Variants in CFAP99 observed in about 807,000 individuals in gnomAD.
CFAP99 encodes the protein cilia- and flagella-associated protein 99.
In CFAP99, 84 loss-of-function variants were observed where a neutral mutation model predicts 82.7. That is an observed-to-expected ratio of 1.02 (90% CI 0.85 to 1.22). The LOEUF (loss-of-function observed/expected upper bound fraction) is 1.22, where lower values mean the gene tolerates loss of function less well. Among genes scored for constraint, CFAP99 ranks in the 50% most tolerant of loss-of-function variants. The pLI is 0.00. For synonymous variants in CFAP99, 456 were observed against 429.5 expected, an observed-to-expected ratio of 1.06 and a Z score of -0.76; for missense variants, 1,059 against 983.5, an observed-to-expected ratio of 1.08 and a Z score of -1.03.
chr4:2,449,701 A>C, exon 7 of CFAP99: 1 of 1,536,098 alleles, frequency 6.5e-7, no homozygotes, highest in Non-Finnish European at 8.7e-7. Flanking sequence ...CCACCCAAGG[A>C]GCAGCAGCAG....
chr4:2,462,524 C>T lies in CFAP99; in HGVS notation c.1743C>T (p.Ile581=), dbSNP rs1306072234. 2.0e-6 allele frequency: 3 copies of T among 1,475,390 alleles called. No individual in the cohort carries two copies. The highest frequency in any genetic ancestry group is 2.9e-5 in the African/African-American group (2 of 68,028). 91.4% of individuals were successfully genotyped at this position (1,475,390 alleles called of 1,614,324 possible). The change falls in exon 15 of 15, where the codon ATC becomes ATT. Residue 581 remains isoleucine, a synonymous_variant. Transcript: ENST00000635017. The surrounding 1 kb of genome is among the most constrained non-coding windows in gnomAD (Gnocchi z 4.1). ...GCGTGCAGCAGCTGCGGCGCAGGAT[C>T]TCGGAGAGGGCGGCCGAGCGCAGCA...
intron 11 of CFAP99, among the ~76,000 whole-genome samples, chr4:2,452,731 A>T (rs1734334519): frequency 6.6e-6 from 1 of 152,162 alleles, no homozygotes; most frequent in African/African-American, 2.4e-5. Flanking sequence ...TTCAATTTTA[A>T]GGTTTGCCTT....
intron 2 of CFAP99, among the ~76,000 whole-genome samples, chr4:2,430,563 T>C (rs1733779365): frequency 6.6e-6 from 1 of 151,086 alleles, no homozygotes; most frequent in Non-Finnish European, 1.5e-5. Flanking sequence ...AATTACGCAA[T>C]ACGTAAACCA....
intron 2 of CFAP99, among the ~76,000 whole-genome samples, chr4:2,430,043 C>T: frequency 6.6e-6 from 1 of 151,976 alleles, no homozygotes; most frequent in African/African-American, 2.4e-5. Flanking sequence ...GTGCCACTTG[C>T]CAGAAAATTA....
At chr4:2,434,871 G>C (rs1333777330) in intron 2 of CFAP99, among the ~76,000 whole-genome samples, 1 of 152,206 alleles carries the variant, frequency 6.6e-6, no homozygotes, top group African/African-American at 2.4e-5. Context: ...GAAGGGCGTG[G>C]GAATGGCCCT....
intron 10 of CFAP99, among the ~76,000 whole-genome samples, 196 bp downstream of exon 10, chr4:2,451,548 G>A (rs3128841): frequency 0.73 from 110,151 of 151,894 alleles, 40,076 homozygotes; most frequent in Admixed American, 0.76. Flanking sequence ...AGATCATGCC[G>A]GCTCAGTGAG....
intron 13 of CFAP99, 122 bp from the exon 14 acceptor site, chr4:2,459,915 C>A: frequency 2.5e-6 from 2 of 811,854 alleles, no homozygotes; most frequent in Non-Finnish European, 2.0e-6. Flanking sequence ...GTTTCATAAG[C>A]AGTGTTGAAG....
In CFAP99 at chr4:2,458,845, GA is replaced by G. The variant is rs1560390598; in HGVS notation, c.1286del (p.Lys429ArgfsTer55). On this transcript the variant is annotated frameshift_variant, in exon 12 of 15. Transcript: ENST00000635017. LOFTEE classifies it high-confidence loss of function. Reference sequence around the variant, plus strand: ...CCAAGGCGGCCCAGACGAAGCTCGCGAAGGGCCGACAGCAGACAGGTAGTCA... The same window carrying G: ...CCAAGGCGGCCCAGACGAAGCTCGCGAGGGCCGACAGCAGACAGGTAGTCA... The G allele has an allele frequency of 6.5e-7, 1 of 1,535,484 alleles. No homozygotes were observed. The highest frequency in any genetic ancestry group is 8.7e-7 in the Non-Finnish European group (1 of 1,146,678).
chr4:2,460,187 A>C, exon 14 of CFAP99: 2 of 1,536,126 alleles, frequency 1.3e-6, no homozygotes, highest in African/African-American at 2.7e-5. Context: ...ACTGCAGAAC[A>C]TGGTGGAGCA....
At chr4:2,454,595 T>TTTTTTTTTTTTTTTTTTTTTGG (rs1734384944) in intron 11 of CFAP99, among the ~76,000 whole-genome samples, 2 of 107,924 alleles carry the variant, frequency 1.9e-5, no homozygotes, top group African/African-American at 4.4e-5. Flanking sequence ...TTTTTTTTTG[T>TTTTTTTTTTTTTTTTTTTTTGG]TTTTTTTTTT....
chr4:2,435,935 CCGAGG>C, intron 2 of CFAP99, among the ~76,000 whole-genome samples: 2 of 149,910 alleles, frequency 1.3e-5, no homozygotes, highest in African/African-American at 4.9e-5. Context: ...ACTCAGGAGG[CCGAGG>C]TGGGGAGCAG....
At position 2,440,952 on chromosome 4, in the gene CFAP99, C is replaced by T. The variant is rs543367388; in HGVS notation, c.352-2178C>T. Among the ~76,000 whole-genome samples, 12 of 151,924 alleles carry T rather than the reference C, an allele frequency of 7.9e-5. No homozygotes were observed. The South Asian group carries it at 2.1e-3, about 26-fold the overall frequency. ...GCTTACCTGTAATTCCAGCCACTCA[C>T]GAAGTTGAAGCAGGAGGATCACTTG... is the stretch of plus-strand genomic sequence containing the variant. On this transcript the variant is annotated intron_variant, in intron 4 of 14. Transcript: ENST00000635017.
intron 2 of CFAP99, among the ~76,000 whole-genome samples, chr4:2,429,487 C>T (rs1489919053): frequency 2.6e-5 from 4 of 152,190 alleles, no homozygotes; most frequent in African/African-American, 7.2e-5. Context: ...GCAGACACAA[C>T]GGATATCCAG....
At chr4:2,447,093 T>C (rs1418492485) in intron 6 of CFAP99, among the ~76,000 whole-genome samples, 1 of 150,758 alleles carries the variant, frequency 6.6e-6, no homozygotes, top group African/African-American at 2.5e-5. Context: ...GATGGGTGGG[T>C]GGATGGATGG....
chr4:2,452,440 T>G (rs1159736699), intron 11 of CFAP99, 94 bp downstream of exon 11: 19 of 1,294,362 alleles, frequency 1.5e-5, no homozygotes, highest in Non-Finnish European at 1.9e-5. Context: ...TGGAGCTGAG[T>G]GTCCACAGCG....
exon 13 of CFAP99, chr4:2,459,227 C>A (rs143965267): frequency 6.5e-7 from 1 of 1,535,384 alleles, no homozygotes; most frequent in Admixed American, 2.0e-5. Flanking sequence ...ACACAGCCCA[C>A]GCGCAAGGGC....
At chr4:2,423,074 G>A (rs2108706901) in intron 1 of CFAP99, among the ~76,000 whole-genome samples, 1 of 152,332 alleles carries the variant, frequency 6.6e-6, no homozygotes, top group Middle Eastern at 3.4e-3. Flanking sequence ...GGATTTGTGA[G>A]CTGTGAGCTC....
intron 2 of CFAP99, among the ~76,000 whole-genome samples, chr4:2,429,603 T>C (rs901888621): frequency 2.2e-4 from 34 of 151,576 alleles, no homozygotes; most frequent in African/African-American, 5.1e-4. Flanking sequence ...CTTTTTTTTT[T>C]TTTTTTGAGA....
intron 11 of CFAP99, among the ~76,000 whole-genome samples, chr4:2,453,943 A>C (rs1053762517): frequency 6.6e-6 from 1 of 150,910 alleles, no homozygotes. Flanking sequence ...TCTCCTGAGT[A>C]GCTGGGACTA....
Sources: gnomAD v4.1 joint callset for allele counts (sites outside exome capture counted in the v4.1 genomes callset) on GRCh38, gnomAD v4.1.1 for gene constraint, Gnocchi (gnomAD v3.1) non-coding constraint, MANE v1.5 for transcripts, NCBI Gene and HGNC (gene_info 2026-07-23, HGNC 2026-07-21) for gene names.